Variants in COTL1 observed in about 807,000 individuals in gnomAD.
COTL1 encodes coactosin-like protein.
A neutral mutation model predicts 16.5 loss-of-function variants in COTL1; 15 were observed. The observed-to-expected ratio is 0.91, with a 90% CI of 0.61 to 1.40. The LOEUF (loss-of-function observed/expected upper bound fraction) is 1.40, where lower values mean the gene tolerates loss of function less well. Among genes scored for constraint, COTL1 ranks in the 40% most tolerant of loss-of-function variants. The probability of loss-of-function intolerance (pLI) is 0.00; values close to 1 mark genes in which losing one functional copy is unlikely to be tolerated. For missense variants in COTL1, 220 were observed against 201.5 expected (o/e 1.09, Z -0.56); for synonymous variants, 112 against 85.3 (o/e 1.31, Z -1.73).
chr16:84,586,825 AG>A (rs1904744109), intron 3 of COTL1, among the ~76,000 whole-genome samples: 1 of 152,052 alleles, frequency 6.6e-6, no homozygotes, highest in Admixed American at 6.5e-5. Context: ...TCCTGACCTC[AG>A]GTGACCGGCT....
At chr16:84,603,564 G>A (rs1024190775) in intron 2 of COTL1, among the ~76,000 whole-genome samples, 13 of 150,684 alleles carry the variant, frequency 8.6e-5, no homozygotes, top group African/African-American at 2.7e-4. Flanking sequence ...ATCGGGCCTG[G>A]CACACAGGAA....
chr16:84,599,597 T>C (rs1378509145), intron 2 of COTL1, among the ~76,000 whole-genome samples: 1 of 152,058 alleles, frequency 6.6e-6, no homozygotes, highest in Non-Finnish European at 1.5e-5. Context: ...GAAAAAAGAA[T>C]CATTTCAGAA....
chr16:84,608,070 G>C (rs558010288), intron 2 of COTL1, among the ~76,000 whole-genome samples: 6 of 152,038 alleles, frequency 3.9e-5, no homozygotes, highest in African/African-American at 1.2e-4. Context: ...GGGAGGTAAA[G>C]TGGATCAGAG....
At chr16:84,617,791 G>A in intron 1 of COTL1, 47 bp downstream of exon 1, 1 of 1,531,858 alleles carries the variant, frequency 6.5e-7, no homozygotes, top group Non-Finnish European at 8.9e-7. Context: ...ACGAGGCCCC[G>A]CGCGAGCCCG....
chr16:84,598,939 G>A (rs1905060630), intron 2 of COTL1, among the ~76,000 whole-genome samples: 1 of 151,626 alleles, frequency 6.6e-6, no homozygotes, highest in Non-Finnish European at 1.5e-5. Context: ...AGAAACAGAG[G>A]ATGACCACAA....
Position 84,585,353 on chromosome 16 carries a change from C to A in COTL1, c.318+4752G>T, listed in dbSNP as rs866630881. ...CTGGGTGACAGAGTGAGATTGTCTC[C>A]AAAAAAAAAAAAAAAAATCGCCCCC... On this transcript the variant is annotated intron_variant, in intron 3 of 3. Transcript: ENST00000262428. Among the ~76,000 whole-genome samples, 275 of 126,832 alleles carry A rather than the reference C, an allele frequency of 2.2e-3. 1 individual carries two copies. Among genetic ancestry groups the A allele is most frequent in the South Asian group, 2.2e-3 (9 of 4,032 alleles). 83.2% of individuals were successfully genotyped at this position (126,832 alleles called of 152,430 possible).
At chr16:84,601,804 G>C (rs1489296471) in intron 2 of COTL1, among the ~76,000 whole-genome samples, 1 of 152,196 alleles carries the variant, frequency 6.6e-6, no homozygotes, top group Non-Finnish European at 1.5e-5. Context: ...AACAGGGTAA[G>C]GACAAAGAGG....
chr16:84,594,011 A>ATGTC (rs1427164852), intron 2 of COTL1, among the ~76,000 whole-genome samples: 43 of 152,222 alleles, frequency 2.8e-4, no homozygotes, highest in Non-Finnish European at 4.6e-4. Context: ...ATTTCATTGA[A>ATGTC]ATGGACTCAT....
At chr16:84,604,422 T>C (rs1433861025) in intron 2 of COTL1, among the ~76,000 whole-genome samples, 1 of 149,982 alleles carries the variant, frequency 6.7e-6, no homozygotes, top group African/African-American at 2.5e-5. Context: ...TCCTAAGATA[T>C]TATTTACACA....
At chr16:84,615,718 C>T (rs56165410) in intron 2 of COTL1, among the ~76,000 whole-genome samples, 3,635 of 152,270 alleles carry the variant, frequency 0.024, 136 homozygotes, top group African/African-American at 0.081. Flanking sequence ...GGCGGAGGGA[C>T]GGAGGCCTGG....
At chr16:84,604,313 A>C (rs1437054313) in intron 2 of COTL1, among the ~76,000 whole-genome samples, 14 of 20,986 alleles carry the variant, frequency 6.7e-4, no homozygotes, top group Middle Eastern at 0.022. Flanking sequence ...CTCCCCACCC[A>C]CGCTCCCCTC....
intron 3 of COTL1, among the ~76,000 whole-genome samples, chr16:84,574,867 T>C (rs1478068909): frequency 1.3e-5 from 2 of 152,080 alleles, no homozygotes; most frequent in East Asian, 1.9e-4. Context: ...GCCTCAAAGA[T>C]GCAAAATAAA....
intron 2 of COTL1, among the ~76,000 whole-genome samples, chr16:84,614,591 G>A (rs1021715774): frequency 6.6e-6 from 1 of 152,088 alleles, no homozygotes; most frequent in South Asian, 2.1e-4. Flanking sequence ...GGAGGGTTGG[G>A]AGAAGAGCAG....
intron 3 of COTL1, among the ~76,000 whole-genome samples, chr16:84,589,128 G>A (rs1410695474): frequency 6.6e-6 from 1 of 151,836 alleles, no homozygotes; most frequent in Admixed American, 6.6e-5. Flanking sequence ...GTGCCACCAT[G>A]CCTGGCTCAT....
In COTL1 at chr16:84,582,554, C is replaced by T. The variant is rs544055328; in HGVS notation, c.318+7551G>A. ...CTTCTGCCTTTTAGGAGATTATTTC[C>T]TTGTTAGTTACTTAATTATAATTCC... On this transcript the variant is annotated intron_variant, in intron 3 of 3. Transcript: ENST00000262428. Among the ~76,000 whole-genome samples the T allele has an allele frequency of 2.6e-5, 4 of 152,264 alleles. No individual in the cohort carries two copies. The East Asian group carries it at 5.8e-4, about 22-fold the overall frequency.
chr16:84,617,396 C>T (rs1905517977), intron 2 of COTL1, 105 bp downstream of exon 2: 2 of 1,045,176 alleles, frequency 1.9e-6, no homozygotes, highest in Non-Finnish European at 2.9e-6. Flanking sequence ...CCAGGGGCAC[C>T]CCATGTGGCC....
At chr16:84,608,492 A>G (rs1390695389) in intron 2 of COTL1, among the ~76,000 whole-genome samples, 2 of 152,250 alleles carry the variant, frequency 1.3e-5, no homozygotes, top group African/African-American at 4.8e-5. Context: ...CAAAAAAGCT[A>G]TGCAGCGTGG....
intron 2 of COTL1, among the ~76,000 whole-genome samples, chr16:84,599,228 G>A (rs1014978823): frequency 1.3e-5 from 2 of 152,186 alleles, no homozygotes; most frequent in Non-Finnish European, 2.9e-5. Context: ...TTTCCCCAAA[G>A]AGATTCTAGT....
chr16:84,615,940 T>A (rs980083030), intron 2 of COTL1: 3 of 152,022 alleles, frequency 2.0e-5, no homozygotes, highest in Admixed American at 2.0e-4. Flanking sequence ...ACCCTTTGAA[T>A]TGAACTAAAT....
Sources: allele counts gnomAD v4.1 joint callset (sites outside exome capture counted in the v4.1 genomes callset), GRCh38; gene constraint gnomAD v4.1.1; transcripts MANE v1.5; gene names NCBI Gene and HGNC (gene_info 2026-07-23, HGNC 2026-07-21).